The following SCN1B variants were observed in gnomAD, a reference collection of about 807,000 sequenced individuals.
The protein encoded by SCN1B is sodium voltage-gated channel beta subunit 1, also known as sodium channel regulatory subunit beta-1.
Under a neutral mutation model 25.7 loss-of-function variants are expected in SCN1B, and 11 were observed. That is an observed-to-expected ratio of 0.43 (90% CI 0.27 to 0.71). The LOEUF is 0.71. Ranked by LOEUF, SCN1B falls within the 30% of genes least tolerant of loss-of-function variation. The pLI, the probability that SCN1B is intolerant of heterozygous loss-of-function variation, is 0.21. For missense variants in SCN1B, 224 were observed against 291.5 expected, an observed-to-expected ratio of 0.77 and a Z score of 1.69; for synonymous variants, 119 against 117.5, an observed-to-expected ratio of 1.01 and a Z score of -0.08.
chr19:35,031,715 C>T (rs1440189073), intron 1 of SCN1B: 1 of 152,768 alleles, frequency 6.5e-6, no homozygotes, highest in Non-Finnish European at 1.5e-5. Flanking sequence ...AAGGACAGCA[C>T]AGGGCTGCAG....
intron 4 of SCN1B, 166 bp downstream of exon 4, chr19:35,039,424 G>T: frequency 9.4e-7 from 1 of 1,062,362 alleles, no homozygotes; most frequent in Non-Finnish European, 1.4e-6. Context: ...GATAGGGGTC[G>T]TCAGACCCAG....
At position 35,039,142 on chromosome 19, in the gene SCN1B, G is replaced by A; in HGVS notation, c.474G>A (p.Val158=). The change falls in exon 4 of 6, where the codon GTG becomes GTA. Residue 158 remains valine, a synonymous_variant. Coordinates refer to ENST00000262631, the MANE Select transcript of SCN1B (RefSeq NM_001037.5). The stretch of plus-strand genomic sequence containing the variant: ...CCAACAGAGACATGGCATCCATCGT[G>A]TCTGAGATCATGATGTATGTGCTCA... The part of the protein sequence containing the change: ...DKANRDMASI[V]SEIMMYVLIV... 1 of 1,614,218 alleles carries A rather than the reference G, an allele frequency of 6.2e-7. No homozygotes were observed. Among genetic ancestry groups the A allele is most frequent in the Non-Finnish European group, 8.5e-7 (1 of 1,180,036 alleles).
chr19:35,034,062 G>C lies in SCN1B; in HGVS notation c.448+323G>C, dbSNP rs1488485097. The C allele has an allele frequency of 3.2e-6, 5 of 1,551,444 alleles. No homozygotes were observed. In the South Asian group the frequency reaches 5.9e-5, roughly 18 times the overall value. The stretch of plus-strand genomic sequence containing the variant: ...AAAGGGTTGTCCTGGGCTTGCCCGG[G>C]ATAATAATCCGATGTGTTTCTCGGG... On this transcript the variant is annotated intron_variant, in intron 3 of 5. Coordinates refer to ENST00000262631, the MANE Select transcript of SCN1B (RefSeq NM_001037.5).
rs886054341 is a variant in SCN1B, at chr19:35,030,733, A to G, written c.-88A>G. Reference sequence around the variant, plus strand: ...GCTGCGCCCGCGCGCTCCCGGGGACATTCTAACCGCCGCCAGGTCCCGCCG... The same window carrying G: ...GCTGCGCCCGCGCGCTCCCGGGGACGTTCTAACCGCCGCCAGGTCCCGCCG... On this transcript the variant is annotated 5_prime_UTR_variant, in exon 1 of 6. Transcript: ENST00000262631. 5.2e-6 allele frequency: 2 copies of G among 386,574 alleles called. No homozygotes were observed. The highest frequency in any genetic ancestry group is 3.7e-5 in the Admixed American group (1 of 27,202). 23.9% of individuals were successfully genotyped at this position (386,574 alleles called of 1,614,324 possible).
At position 35,034,060 on chromosome 19, in the gene SCN1B, G is replaced by C. The variant is rs72558028; in HGVS notation, c.448+321G>C. ...CCAAAGGGTTGTCCTGGGCTTGCCC[G>C]GGATAATAATCCGATGTGTTTCTCG... On this transcript the variant is annotated intron_variant, in intron 3 of 5. Transcript: ENST00000262631. 1 of 1,549,770 alleles carries C rather than the reference G, an allele frequency of 6.5e-7. No homozygotes were observed.
chr19:35,033,763 T>A, intron 3 of SCN1B, 24 bp downstream of exon 3: 3 of 1,613,822 alleles, frequency 1.9e-6, no homozygotes, highest in Non-Finnish European at 2.5e-6. Flanking sequence ...TGCCTGCCCC[T>A]TTACCGTCAC....
At chr19:35,038,749 A>C (rs2064263407) in intron 3 of SCN1B, 10 of 354,918 alleles carry the variant, frequency 2.8e-5, no homozygotes, top group Non-Finnish European at 4.4e-5. Flanking sequence ...ACTCTGATGA[A>C]GGAGGTATTC....
chr19:35,039,085 G>A, intron 3 of SCN1B, 32 bp from the exon 4 acceptor site: 2 of 1,613,664 alleles, frequency 1.2e-6, no homozygotes, highest in South Asian at 1.1e-5. Flanking sequence ...TGCAGCCTGG[G>A]CTACCCCCTT....
intron 3 of SCN1B, chr19:35,035,679 T>A (rs1263735729): frequency 1.3e-5 from 2 of 152,214 alleles, no homozygotes; most frequent in Admixed American, 1.3e-4. Flanking sequence ...CATATGCAGT[T>A]CCTTATGTTG....
In SCN1B at chr19:35,040,080, G is replaced by A; in HGVS notation, c.*289G>A. Reference sequence around the variant, plus strand: ...CCTGTTTGGGGAGGGGGGCGGTGAGGTGGGGGCAGCGGCCCCGCACCCCTC... The same window carrying A: ...CCTGTTTGGGGAGGGGGGCGGTGAGATGGGGGCAGCGGCCCCGCACCCCTC... On this transcript the variant is annotated 3_prime_UTR_variant, in exon 6 of 6. Transcript: ENST00000262631. 1 of 310,018 alleles carries A rather than the reference G, an allele frequency of 3.2e-6. No homozygotes were observed. Among genetic ancestry groups the A allele is most frequent in the Non-Finnish European group, 6.3e-6 (1 of 158,984 alleles). 19.2% of individuals were successfully genotyped at this position (310,018 alleles called of 1,614,324 possible). A position where few individuals can be genotyped will look rare whatever the true frequency, so the allele number is the denominator to read the frequency against.
chr19:35,032,720 G>T lies in SCN1B; in HGVS notation c.207+26G>T. On this transcript the variant is annotated intron_variant, in intron 2 of 5. Coordinates refer to ENST00000262631, the MANE Select transcript of SCN1B (RefSeq NM_001037.5). The surrounding 1 kb of genome is among the most constrained non-coding windows in gnomAD (Gnocchi z 4.3). ...GTGTGCGGGTGCCGGGAACGGGCAT[G>T]GGAGGGCAGGGGTCCACGAGTGGGA... is the stretch of plus-strand genomic sequence containing the variant. 6.2e-7 allele frequency: 1 copy of T among 1,611,810 alleles called. No individual in the cohort carries two copies. Among genetic ancestry groups the T allele is most frequent in the Non-Finnish European group, 8.5e-7 (1 of 1,179,538 alleles).
chr19:35,034,544 C>T (rs528306248), intron 3 of SCN1B: 36 of 188,456 alleles, frequency 1.9e-4, no homozygotes, highest in African/African-American at 7.5e-4. Context: ...AATTGTCCAG[C>T]GCCCTGTGGC....
rs1283433466 is a variant in SCN1B, at chr19:35,039,616, C to G, written c.591-19C>G. 6.2e-7 allele frequency: 1 copy of G among 1,614,000 alleles called. No homozygotes were observed. The highest frequency in any genetic ancestry group is 1.7e-5 in the Admixed American group (1 of 60,028). ...GGTCTGATGATGGGGTCACTGTATA[C>G]CTGGCCTTTCCCCCACAGCTCGGAA... On this transcript the variant is annotated intron_variant, in intron 4 of 5. Coordinates refer to ENST00000262631, the MANE Select transcript of SCN1B (RefSeq NM_001037.5).
At position 35,033,054 on chromosome 19, in the gene SCN1B, TG is replaced by T. The variant is rs563491746; in HGVS notation, c.207+361del. On this transcript the variant is annotated intron_variant, in intron 2 of 5. Transcript: ENST00000262631. ...AGTCATTACGGAGGGAAGACAGAAC[TG>T]TTTTTTTTAACCTCCTTTAAACTAT... Among the ~76,000 whole-genome samples, 40 of 152,286 alleles carry T rather than the reference TG, an allele frequency of 2.6e-4. No homozygotes were observed. In the East Asian group the frequency reaches 7.5e-3, roughly 29 times the overall value.
chr19:35,030,896 CCG>C, intron 1 of SCN1B, 36 bp downstream of exon 1: 1 of 439,368 alleles, frequency 2.3e-6, no homozygotes, highest in Non-Finnish European at 3.2e-6. Flanking sequence ...CCGGGGGGCA[CCG>C]CGGGGGCACT....
intron 2 of SCN1B, among the ~76,000 whole-genome samples, chr19:35,033,242 G>A (rs940813221): frequency 7.2e-5 from 11 of 152,114 alleles, no homozygotes; most frequent in African/African-American, 2.4e-4. Context: ...CTAGAGGCCA[G>A]ATGGGGCTTG....
chr19:35,033,599 A>T lies in SCN1B; in HGVS notation c.308A>T (p.Asp103Val), dbSNP rs1057519457. The change falls in exon 3 of 6, where the codon GAT becomes GTT. Residue 103 changes from aspartate to valine, a missense_variant. This residue lies in a region of SCN1B where 126 missense variants were observed against 204.9 expected (regional missense o/e 0.61). Transcript: ENST00000262631. ...AGCCGGGGCACCAAAGACCTGCAGG[A>T]TCTGTCTATCTTCATCACCAATGTC... is the stretch of plus-strand genomic sequence containing the variant. ...NGSRGTKDLQDLSIFITNVTY... is the reference protein window; with the variant it reads ...NGSRGTKDLQVLSIFITNVTY... 1 of 1,614,046 alleles carries T rather than the reference A, an allele frequency of 6.2e-7. No individual in the cohort carries two copies. Among genetic ancestry groups the T allele is most frequent in the East Asian group, 2.2e-5 (1 of 44,884 alleles).
At chr19:35,033,376 GGTGTCT>G in intron 2 of SCN1B, 117 bp from the exon 3 acceptor site, 4 of 1,556,152 alleles carry the variant, frequency 2.6e-6, no homozygotes, top group Non-Finnish European at 2.6e-6. Flanking sequence ...CTGAGGTCAA[GGTGTCT>G]GAGCCCATCT....
rs370937269 is a variant in SCN1B at position 35,039,114 on chromosome 19, C to A, written c.449-3C>A. On this transcript the variant is annotated splice_region_variant and splice_polypyrimidine_tract_variant and intron_variant, in intron 3 of 5. Transcript: ENST00000262631. ...CCCCCTTAACCCTGCCTGGCCCCTG[C>A]AGCCAACAGAGACATGGCATCCATC... 160 of 1,614,038 alleles carry A rather than the reference C, an allele frequency of 9.9e-5. No homozygotes were observed. Among genetic ancestry groups the A allele is most frequent in the Non-Finnish European group, 1.3e-4 (154 of 1,180,000 alleles).
Sources: allele counts gnomAD v4.1 joint callset (sites outside exome capture counted in the v4.1 genomes callset), GRCh38; gene constraint gnomAD v4.1.1; regional missense constraint gnomAD v4.1.1; non-coding constraint Gnocchi (gnomAD v3.1); transcripts MANE v1.5; gene names NCBI Gene and HGNC (gene_info 2026-07-23, HGNC 2026-07-21).